The following SHISA6 variants were observed in gnomAD, a reference collection of about 807,000 sequenced individuals.
SHISA6 encodes the protein protein shisa-6.
A neutral mutation model predicts 47.9 loss-of-function variants in SHISA6; 22 were observed. That is an observed-to-expected ratio of 0.46 (90% confidence interval 0.33 to 0.66). The LOEUF is 0.66. Among genes scored for constraint, SHISA6 ranks in the 30% least tolerant of loss-of-function variants. The probability of loss-of-function intolerance (pLI) is 0.02; values close to 1 mark genes in which losing one functional copy is unlikely to be tolerated. For synonymous variants in SHISA6, 388 were observed against 337.8 expected, an observed-to-expected ratio of 1.15 and a Z score of -1.63; for missense variants, 680 against 764.6, an observed-to-expected ratio of 0.89 and a Z score of 1.30.
intron 3 of SHISA6, among the ~76,000 whole-genome samples, chr17:11,391,930 A>C (rs1284929410): frequency 6.6e-6 from 1 of 152,166 alleles, no homozygotes; most frequent in Non-Finnish European, 1.5e-5. Context: ...GTCTTGGACC[A>C]TTCATATCCT....
chr17:11,247,151 T>G (rs1172467014), intron 1 of SHISA6, among the ~76,000 whole-genome samples: 1 of 152,226 alleles, frequency 6.6e-6, no homozygotes, highest in African/African-American at 2.4e-5. Context: ...GGATTGACCG[T>G]GCAGTGGATT....
At chr17:11,317,799 A>C (rs1910574841) in intron 2 of SHISA6, among the ~76,000 whole-genome samples, 1 of 151,568 alleles carries the variant, frequency 6.6e-6, no homozygotes, top group East Asian at 1.9e-4. Context: ...GAGTGTTTAT[A>C]TTTCTGAAAA....
At chr17:11,415,107 A>C (rs575571935) in intron 3 of SHISA6, among the ~76,000 whole-genome samples, 24 of 152,130 alleles carry the variant, frequency 1.6e-4, no homozygotes, top group Non-Finnish European at 3.2e-4. Flanking sequence ...AAAGAAAAAA[A>C]CAATGAATAA....
At chr17:11,421,697 T>C (rs916527966) in intron 3 of SHISA6, among the ~76,000 whole-genome samples, 6 of 152,208 alleles carry the variant, frequency 3.9e-5, no homozygotes, top group African/African-American at 1.4e-4. Context: ...GCTGCCTGAT[T>C]AGAAACAAAG....
chr17:11,497,904 A>G (rs2142343971), intron 3 of SHISA6, among the ~76,000 whole-genome samples: 1 of 152,290 alleles, frequency 6.6e-6, no homozygotes, highest in Admixed American at 6.5e-5. Context: ...TGACAGTACA[A>G]GTCATGGCTA....
chr17:11,511,417 C>T (rs2071540633), intron 3 of SHISA6, among the ~76,000 whole-genome samples: 1 of 152,108 alleles, frequency 6.6e-6, no homozygotes, highest in Non-Finnish European at 1.5e-5. Flanking sequence ...CAAGCCTGCA[C>T]ATTCTCCACA....
chr17:11,441,489 A>G (rs1567606870), intron 3 of SHISA6, among the ~76,000 whole-genome samples: 1 of 152,214 alleles, frequency 6.6e-6, no homozygotes, highest in African/African-American at 2.4e-5. Context: ...ACACTAGAAC[A>G]TATGCTTCGT....
At chr17:11,377,275 T>C (rs1912836362) in intron 2 of SHISA6, among the ~76,000 whole-genome samples, 1 of 152,148 alleles carries the variant, frequency 6.6e-6, no homozygotes, top group South Asian at 2.1e-4. Flanking sequence ...GCCTAATAAT[T>C]CTGTTCTATA....
At chr17:11,254,955 T>A (rs1289536604) in intron 1 of SHISA6, among the ~76,000 whole-genome samples, 1 of 152,210 alleles carries the variant, frequency 6.6e-6, no homozygotes, top group Non-Finnish European at 1.5e-5. Flanking sequence ...AAGAGCAACA[T>A]GTGGATCTCA....
chr17:11,267,146 A>G (rs1428817559), intron 2 of SHISA6, among the ~76,000 whole-genome samples: 2 of 152,200 alleles, frequency 1.3e-5, no homozygotes, highest in Non-Finnish European at 1.5e-5. Context: ...TCCAGGAAGC[A>G]GCTTTCCAAC....
intron 2 of SHISA6, among the ~76,000 whole-genome samples, chr17:11,313,684 T>TC (rs1910410521): frequency 6.6e-6 from 1 of 152,040 alleles, no homozygotes; most frequent in African/African-American, 2.4e-5. Context: ...GTCAGCCAGG[T>TC]CAACAGGGTG....
intron 1 of SHISA6, among the ~76,000 whole-genome samples, chr17:11,247,474 C>A (rs9895757): frequency 0.085 from 12,941 of 152,160 alleles, 552 homozygotes; most frequent in East Asian, 0.18. Flanking sequence ...CATTCAAACA[C>A]CTGTACCATC....
At chr17:11,460,314 T>C (rs1346299064) in intron 3 of SHISA6, among the ~76,000 whole-genome samples, 1 of 152,102 alleles carries the variant, frequency 6.6e-6, no homozygotes, top group Non-Finnish European at 1.5e-5. Flanking sequence ...TTTGTAAAAA[T>C]GATAGACCTG....
At chr17:11,402,873 T>A (rs1513744) in intron 3 of SHISA6, among the ~76,000 whole-genome samples, 74,142 of 151,968 alleles carry the variant, frequency 0.49, 18,618 homozygotes, top group Middle Eastern at 0.55. Flanking sequence ...AGGTGTAGGT[T>A]CTCCCTTTGG....
rs551732403 is a variant in SHISA6, at chr17:11,555,233, G to A, written c.953-507G>A. Among the ~76,000 whole-genome samples, 95 of 152,182 alleles carry A rather than the reference G, an allele frequency of 6.2e-4. 1 individual carries two copies. The South Asian group carries it at 0.019, about 30-fold the overall frequency. ...TGAGCTGTGGAAGGATGCCATGGAC[G>A]GAGCATGGGTTGGGTCTCAGTGGAG... On this transcript the variant is annotated intron_variant, in intron 4 of 5. Coordinates refer to ENST00000441885, the MANE Select transcript of SHISA6 (RefSeq NM_207386.4).
intron 2 of SHISA6, among the ~76,000 whole-genome samples, chr17:11,291,107 C>T (rs1215845518): frequency 1.3e-5 from 2 of 151,804 alleles, no homozygotes; most frequent in Non-Finnish European, 2.9e-5. Context: ...GTGACATGCA[C>T]AGTAGTGGGC....
chr17:11,426,307 G>A (rs976205489), intron 3 of SHISA6, among the ~76,000 whole-genome samples: 2 of 152,228 alleles, frequency 1.3e-5, no homozygotes, highest in African/African-American at 4.8e-5. Context: ...CATGAGCTAG[G>A]CAGGAGCTTA....
Position 11,425,097 on chromosome 17 carries a change from T to C in SHISA6, c.895+45588T>C, listed in dbSNP as rs546798627. Among the ~76,000 whole-genome samples, 37 of 152,174 alleles carry C rather than the reference T, an allele frequency of 2.4e-4. 2 individuals are homozygous for C. The South Asian group carries it at 3.5e-3, about 14-fold the overall frequency. On this transcript the variant is annotated intron_variant, in intron 3 of 5. Coordinates refer to ENST00000441885, the MANE Select transcript of SHISA6 (RefSeq NM_207386.4). ...GGCACATGGTATCTGTGATTTTCTGTTCTTTTTATGTGTCTGAAATCTTTC... is the reference window on the plus strand; with the variant it reads ...GGCACATGGTATCTGTGATTTTCTGCTCTTTTTATGTGTCTGAAATCTTTC...
At chr17:11,274,399 A>G (rs1046664142) in intron 2 of SHISA6, among the ~76,000 whole-genome samples, 2 of 152,210 alleles carry the variant, frequency 1.3e-5, no homozygotes, top group Non-Finnish European at 2.9e-5. Context: ...GGCAAAACGA[A>G]GGAAGCAACA....
Sources: gnomAD v4.1 joint callset for allele counts (sites outside exome capture counted in the v4.1 genomes callset) on GRCh38, gnomAD v4.1.1 for gene constraint, MANE v1.5 for transcripts, NCBI Gene and HGNC (gene_info 2026-07-23, HGNC 2026-07-21) for gene names.